The following KCNIP4 variants were observed in gnomAD, a reference collection of about 807,000 sequenced individuals.
KCNIP4 encodes the protein potassium voltage-gated channel interacting protein 4.
In KCNIP4, 12 loss-of-function variants were observed where a neutral mutation model predicts 34.0. That is an observed-to-expected ratio of 0.35 (90% CI 0.23 to 0.57). KCNIP4 has a LOEUF of 0.57. Ranked by LOEUF, KCNIP4 falls within the 20% of genes least tolerant of loss-of-function variation. The pLI, the probability that KCNIP4 is intolerant of heterozygous loss-of-function variation, is 0.83. For synonymous variants in KCNIP4, 124 were observed against 102.2 expected (o/e 1.21, Z -1.29); for missense variants, 238 against 311.7 (o/e 0.76, Z 1.78).
chr4:21,187,887 C>T (rs1243294061), intron 1 of KCNIP4, among the ~76,000 whole-genome samples: 1 of 152,146 alleles, frequency 6.6e-6, no homozygotes, highest in Non-Finnish European at 1.5e-5. Context: ...GGCCCCAGGG[C>T]TGAAAACTGT....
At chr4:21,571,694 G>A (rs1357081523) in intron 1 of KCNIP4, among the ~76,000 whole-genome samples, 1 of 152,118 alleles carries the variant, frequency 6.6e-6, no homozygotes, top group Non-Finnish European at 1.5e-5. Context: ...GACACTTATT[G>A]CTCAGAGGAG....
chr4:20,938,449 G>A (rs1268774649), intron 1 of KCNIP4, among the ~76,000 whole-genome samples: 1 of 152,130 alleles, frequency 6.6e-6, no homozygotes, highest in Non-Finnish European at 1.5e-5. Context: ...TCACTGCTCT[G>A]TGTTGATGAC....
At chr4:21,863,635 G>A (rs1326270116) in intron 1 of KCNIP4, among the ~76,000 whole-genome samples, 2 of 152,166 alleles carry the variant, frequency 1.3e-5, no homozygotes, top group African/African-American at 4.8e-5. Context: ...CAGACCCAAA[G>A]CAAGGCAGTG....
intron 1 of KCNIP4, among the ~76,000 whole-genome samples, chr4:21,255,179 C>A (rs949767319): frequency 1.3e-5 from 2 of 152,056 alleles, no homozygotes; most frequent in Admixed American, 6.6e-5. Context: ...GTGTCCCATC[C>A]CTTCTCACTA....
intron 1 of KCNIP4, among the ~76,000 whole-genome samples, chr4:20,916,114 TCCTCTA>T (rs1728786616): frequency 6.6e-6 from 1 of 152,184 alleles, no homozygotes; most frequent in African/African-American, 2.4e-5. Flanking sequence ...TTTTCCATGT[TCCTCTA>T]CCTCCTACAG....
chr4:21,272,106 A>C (rs1253287772), intron 1 of KCNIP4, among the ~76,000 whole-genome samples: 1 of 152,214 alleles, frequency 6.6e-6, no homozygotes, highest in Admixed American at 6.5e-5. Flanking sequence ...GGTCAGGCAC[A>C]TGGACTCAAA....
At chr4:21,630,720 T>C (rs1486170972) in intron 1 of KCNIP4, among the ~76,000 whole-genome samples, 1 of 152,134 alleles carries the variant, frequency 6.6e-6, no homozygotes, top group Non-Finnish European at 1.5e-5. Flanking sequence ...CATGAAACTT[T>C]CCTGTTTAAA....
intron 1 of KCNIP4, among the ~76,000 whole-genome samples, chr4:21,559,830 A>G (rs1407155695): frequency 6.6e-6 from 1 of 152,114 alleles, no homozygotes; most frequent in Non-Finnish European, 1.5e-5. Flanking sequence ...TATCATCTGT[A>G]TCTCTTACTA....
In KCNIP4 at chr4:21,092,361, A is replaced by G. The variant is rs575217731; in HGVS notation, c.62-209652T>C. On this transcript the variant is annotated intron_variant, in intron 1 of 8. Coordinates refer to ENST00000382152, the MANE Select transcript of KCNIP4 (RefSeq NM_025221.6). ...GTCTCTATATTCCTCAGCAGGAGTC[A>G]GTCTAAAAGGAATAATCCACCAGCC... Among the ~76,000 whole-genome samples the G allele has an allele frequency of 1.8e-3, 271 of 152,254 alleles. 1 individual carries two copies. Among genetic ancestry groups the G allele is most frequent in the African/African-American group, 6.2e-3 (259 of 41,554 alleles).
At chr4:21,861,656 C>CAAAAAAAAAAA (rs59277001) in intron 1 of KCNIP4, among the ~76,000 whole-genome samples, 1 of 101,316 alleles carries the variant, frequency 9.9e-6, no homozygotes. Context: ...GACTCCGTCT[C>CAAAAAAAAAAA]AAAAAAAAAA....
chr4:21,172,360 C>T (rs1754077175), intron 1 of KCNIP4, among the ~76,000 whole-genome samples: 1 of 152,094 alleles, frequency 6.6e-6, no homozygotes, highest in Admixed American at 6.5e-5. Flanking sequence ...TGAATTAATC[C>T]ATTTAATACT....
chr4:20,988,000 C>CAAAAAAAAAAAAAAAAAAAAAAAAAAA (rs36044149), intron 1 of KCNIP4, among the ~76,000 whole-genome samples: 34 of 46,322 alleles, frequency 7.3e-4, no homozygotes, highest in East Asian at 3.6e-3. Context: ...GATTCCATCT[C>CAAAAAAAAAAAAAAAAAAAAAAAAAAA]AAAAAAAAAA....
intron 1 of KCNIP4, among the ~76,000 whole-genome samples, chr4:20,947,977 T>C (rs1263771437): frequency 3.3e-5 from 5 of 152,194 alleles, no homozygotes; most frequent in Non-Finnish European, 2.9e-5. Context: ...TTTACACATG[T>C]GGAAAATGAG....
intron 1 of KCNIP4, among the ~76,000 whole-genome samples, chr4:21,136,107 C>T (rs1313235926): frequency 1.3e-5 from 2 of 152,166 alleles, no homozygotes; most frequent in Non-Finnish European, 2.9e-5. Context: ...CTGACACTGG[C>T]TGTGTAATTT....
chr4:21,738,092 AAAAT>A (rs11444057), intron 1 of KCNIP4, among the ~76,000 whole-genome samples: 7,583 of 142,170 alleles, frequency 0.053, 236 homozygotes, highest in African/African-American at 0.071. Flanking sequence ...ACTCCATCTC[AAAAT>A]AAATAAATAA....
chr4:21,302,071 A>G (rs573536788), intron 1 of KCNIP4, among the ~76,000 whole-genome samples: 1 of 152,226 alleles, frequency 6.6e-6, no homozygotes, highest in African/African-American at 2.4e-5. Flanking sequence ...CCATAGTATT[A>G]GTCCAAGATT....
intron 1 of KCNIP4, among the ~76,000 whole-genome samples, chr4:21,781,757 C>T (rs989930438): frequency 6.6e-6 from 1 of 151,880 alleles, no homozygotes; most frequent in Non-Finnish European, 1.5e-5. Flanking sequence ...TGATATTATT[C>T]TTAGTATATA....
chr4:20,997,980 G>A (rs1411065419), intron 1 of KCNIP4, among the ~76,000 whole-genome samples: 1 of 152,158 alleles, frequency 6.6e-6, no homozygotes, highest in Non-Finnish European at 1.5e-5. Flanking sequence ...GGTAATCCAG[G>A]TAGAGCTGTT....
intron 1 of KCNIP4, among the ~76,000 whole-genome samples, chr4:21,607,964 T>C (rs1296859189): frequency 6.6e-6 from 1 of 152,194 alleles, no homozygotes; most frequent in Non-Finnish European, 1.5e-5. Context: ...GTGACAGTTG[T>C]ATACAGACGT....
Sources: gnomAD v4.1 joint callset for allele counts (sites outside exome capture counted in the v4.1 genomes callset) on GRCh38, gnomAD v4.1.1 for gene constraint, MANE v1.5 for transcripts, NCBI Gene and HGNC (gene_info 2026-07-23, HGNC 2026-07-21) for gene names.